The following DISP1 variants were observed in gnomAD, a reference collection of about 807,000 sequenced individuals.
DISP1 encodes dispatched RND transporter family member 1, also known as protein dispatched homolog 1.
DISP1 carries 30 observed loss-of-function variants against 37.3 expected under a neutral mutation model. The observed-to-expected ratio is 0.80, with a 90% confidence interval of 0.60 to 1.09. DISP1 has a LOEUF of 1.09. Among genes scored for constraint, DISP1 ranks in the 50% least tolerant of loss-of-function variants. DISP1 has a pLI of 0.00. For synonymous variants in DISP1, 634 were observed against 690.2 expected, an observed-to-expected ratio of 0.92 and a Z score of 1.28; for missense variants, 1,598 against 1,879.5, an observed-to-expected ratio of 0.85 and a Z score of 2.77.
chr1:222,906,855 C>T (rs1051436368), intron 1 of DISP1, among the ~76,000 whole-genome samples: 18 of 152,102 alleles, frequency 1.2e-4, no homozygotes, highest in Non-Finnish European at 2.2e-4. Context: ...TTTGTGGATT[C>T]GCCTCTAATT....
At chr1:222,919,898 C>T (rs753263585) in intron 1 of DISP1, among the ~76,000 whole-genome samples, 1 of 152,086 alleles carries the variant, frequency 6.6e-6, no homozygotes, top group African/African-American at 2.4e-5. Flanking sequence ...TTTCCTTTTT[C>T]CATACAACTT....
intron 1 of DISP1, among the ~76,000 whole-genome samples, chr1:222,843,849 C>T (rs1296379187): frequency 6.6e-6 from 1 of 152,076 alleles, no homozygotes; most frequent in East Asian, 1.9e-4. Context: ...ACAGGAGAGT[C>T]AGCATTAAAA....
At chr1:222,877,493 C>T (rs1381790323) in intron 1 of DISP1, among the ~76,000 whole-genome samples, 1 of 152,176 alleles carries the variant, frequency 6.6e-6, no homozygotes, top group Non-Finnish European at 1.5e-5. Flanking sequence ...CAGGGTCCCT[C>T]CCACACACTT....
At chr1:222,952,088 TA>T (rs1459760609) in intron 3 of DISP1, among the ~76,000 whole-genome samples, 1 of 152,248 alleles carries the variant, frequency 6.6e-6, no homozygotes, top group Non-Finnish European at 1.5e-5. Context: ...CATTTCTCTT[TA>T]TTTTTTATAT....
At chr1:222,865,744 A>G (rs1669147479) in intron 1 of DISP1, among the ~76,000 whole-genome samples, 1 of 152,222 alleles carries the variant, frequency 6.6e-6, no homozygotes, top group South Asian at 2.1e-4. Context: ...CTCTATAAAT[A>G]GAATTTATTC....
chr1:222,825,826 A>G (rs1192236160), intron 1 of DISP1, among the ~76,000 whole-genome samples: 1 of 151,850 alleles, frequency 6.6e-6, no homozygotes, highest in African/African-American at 2.4e-5. Flanking sequence ...TATCTCTAAT[A>G]CATTGTTAAC....
At chr1:222,920,903 C>T (rs981164607) in intron 1 of DISP1, among the ~76,000 whole-genome samples, 2 of 152,054 alleles carry the variant, frequency 1.3e-5, no homozygotes, top group South Asian at 2.1e-4. Context: ...AAAATGCATA[C>T]GGTTTTCTAG....
At chr1:222,910,040 A>G (rs2125419758) in intron 1 of DISP1, among the ~76,000 whole-genome samples, 1 of 152,300 alleles carries the variant, frequency 6.6e-6, no homozygotes, top group Non-Finnish European at 1.5e-5. Context: ...CTGGTTCTGT[A>G]ATATCCCTAA....
chr1:222,839,205 C>G (rs35980718), intron 1 of DISP1, among the ~76,000 whole-genome samples: 9,873 of 152,202 alleles, frequency 0.065, 408 homozygotes, highest in Non-Finnish European at 0.087. Context: ...TGCCTCCTGT[C>G]AGATCAGCAG....
chr1:222,822,010 C>T (rs11486081), intron 1 of DISP1, among the ~76,000 whole-genome samples: 19,983 of 152,130 alleles, frequency 0.13, 1,440 homozygotes, highest in South Asian at 0.26. Context: ...CCTGGGGTCT[C>T]CCCTGCCATG....
At chr1:222,926,944 T>C (rs1227765879) in intron 1 of DISP1, among the ~76,000 whole-genome samples, 1 of 152,194 alleles carries the variant, frequency 6.6e-6, no homozygotes, top group Non-Finnish European at 1.5e-5. Flanking sequence ...TCTGAATGAC[T>C]GTGAAAGCAC....
At chr1:222,840,572 T>C (rs1009095395) in intron 1 of DISP1, among the ~76,000 whole-genome samples, 2 of 140,218 alleles carry the variant, frequency 1.4e-5, no homozygotes, top group Admixed American at 7.2e-5. Context: ...TTTTTTTTTT[T>C]TTTTTCCCTG....
rs1671052632 is a variant in DISP1 at position 222,893,509 on chromosome 1, T to C, written c.-158-34921T>C. On this transcript the variant is annotated intron_variant, in intron 1 of 8. Transcript: ENST00000675850. The surrounding 1 kb of genome is among the most constrained non-coding windows in gnomAD (Gnocchi z 4.3). The stretch of plus-strand genomic sequence containing the variant: ...GGTGAGGGCTGTGTGGGCGAGTGAG[T>C]GTGAGGTCTGGCTGCTGTGCACAGA... Among the ~76,000 whole-genome samples, 2 of 151,968 alleles carry C rather than the reference T, an allele frequency of 1.3e-5. No individual in the cohort carries two copies. Among genetic ancestry groups the C allele is most frequent in the African/African-American group, 4.8e-5 (2 of 41,384 alleles).
chr1:222,871,389 C>A (rs914226518), intron 1 of DISP1, among the ~76,000 whole-genome samples: 2 of 152,106 alleles, frequency 1.3e-5, no homozygotes, highest in African/African-American at 4.8e-5. Context: ...GGCAGTATGG[C>A]CATTTTCACG....
intron 4 of DISP1, 41 bp from the exon 5 acceptor site, chr1:222,990,584 T>A (rs1678628294): frequency 2.5e-6 from 4 of 1,613,370 alleles, no homozygotes; most frequent in Admixed American, 3.3e-5. Context: ...GTTTCTGTAG[T>A]TATGCAGCTC....
chr1:222,843,904 T>G (rs1235843297), intron 1 of DISP1, among the ~76,000 whole-genome samples: 1 of 152,108 alleles, frequency 6.6e-6, no homozygotes, highest in East Asian at 1.9e-4. Context: ...GTCACTCTTG[T>G]TTTTACGCTG....
rs369217520 is a variant in DISP1 at position 223,003,378 on chromosome 1, C to T, written c.1981C>T (p.Arg661Trp). 3.8e-5 allele frequency: 61 copies of T among 1,614,054 alleles called. No individual in the cohort carries two copies. The highest frequency in any genetic ancestry group is 4.6e-5 in the Non-Finnish European group (54 of 1,180,040). ...WLPAVVVLHE[R>W]YLLNIFTCFK... The stretch of plus-strand genomic sequence containing the variant: ...TCCAGCAGTTGTTGTGCTGCATGAG[C>T]GGTATCTTCTTAATATATTCACTTG... The change falls in exon 9 of 9, where the codon CGG (arginine) becomes TGG (tryptophan). Residue 661 changes from arginine to tryptophan, a missense_variant. Physicochemically the swap from Arg to Trp is moderately radical, Grantham distance 101. Coordinates refer to ENST00000675850, the MANE Select transcript of DISP1 (RefSeq NM_001377229.1). This position sits in a 1 kb window ranked among gnomAD's most constrained non-coding sequence, Gnocchi z 4.3.
intron 8 of DISP1, among the ~76,000 whole-genome samples, 188 bp downstream of exon 8, chr1:222,995,170 C>CAACTTTAAAACATACCATCTTCCTTT (rs1678969402): frequency 6.6e-6 from 1 of 152,172 alleles, no homozygotes; most frequent in Admixed American, 6.6e-5. Flanking sequence ...GTGTTTCCTT[C>CAACTTTAAAACATACCATCTTCCTTT]AACTTTAAAA....
chr1:222,835,768 A>G (rs1460425161), intron 1 of DISP1, among the ~76,000 whole-genome samples: 1 of 151,872 alleles, frequency 6.6e-6, no homozygotes, highest in Non-Finnish European at 1.5e-5. Flanking sequence ...CCTGGCCAAC[A>G]TGGTGAAACT....
Sources: allele counts gnomAD v4.1 joint callset (sites outside exome capture counted in the v4.1 genomes callset), GRCh38; gene constraint gnomAD v4.1.1; non-coding constraint Gnocchi (gnomAD v3.1); transcripts MANE v1.5; gene names NCBI Gene and HGNC (gene_info 2026-07-23, HGNC 2026-07-21).